Variants in DGLUCY observed in about 807,000 individuals in gnomAD.
DGLUCY encodes D-glutamate cyclase.
Under a neutral mutation model 58.5 loss-of-function variants are expected in DGLUCY, and 58 were observed. The ratio of observed to expected loss-of-function variants is 0.99; its 90% CI spans 0.80 to 1.23. DGLUCY has a LOEUF of 1.23. Among genes scored for constraint, DGLUCY ranks in the 50% most tolerant of loss-of-function variants. DGLUCY has a pLI of 0.00. For synonymous variants in DGLUCY, 325 were observed against 314.1 expected, an observed-to-expected ratio of 1.03 and a Z score of -0.37; for missense variants, 779 against 784.7, an observed-to-expected ratio of 0.99 and a Z score of 0.09.
chr14:91,174,129 C>T (rs1411553540), intron 6 of DGLUCY, among the ~76,000 whole-genome samples: 4 of 151,920 alleles, frequency 2.6e-5, no homozygotes, highest in Admixed American at 6.6e-5. Flanking sequence ...ATGAAGCCTC[C>T]GTAAAACCCC....
At chr14:91,138,770 C>G (rs759523319) in intron 1 of DGLUCY, among the ~76,000 whole-genome samples, 1 of 152,082 alleles carries the variant, frequency 6.6e-6, no homozygotes. Context: ...CACACATGGT[C>G]CCTTCCTCAT....
chr14:91,220,612 G>A (rs187857269), intron 13 of DGLUCY: 12 of 456,272 alleles, frequency 2.6e-5, no homozygotes, highest in African/African-American at 8.0e-5. Flanking sequence ...GTCTTTCCCC[G>A]TGTGGCTGGG....
At chr14:91,160,155 G>T in intron 2 of DGLUCY, 111 bp from the exon 3 acceptor site, 1 of 731,342 alleles carries the variant, frequency 1.4e-6, no homozygotes, top group Non-Finnish European at 2.4e-6. Flanking sequence ...CCCAGGAACA[G>T]GGCCAGGAAA....
intron 5 of DGLUCY, 87 bp from the exon 6 acceptor site, chr14:91,173,202 G>T (rs1383315885): frequency 4.8e-6 from 7 of 1,449,154 alleles, no homozygotes; most frequent in Non-Finnish European, 6.7e-6. Flanking sequence ...TCATTTAGCT[G>T]CCTTGAACTC....
In DGLUCY at chr14:91,168,684, C is replaced by T. The variant is rs76013489; in HGVS notation, c.257+1306C>T. Among the ~76,000 whole-genome samples the T allele has an allele frequency of 7.6e-3, 1,153 of 152,328 alleles. 7 individuals are homozygous for T. The highest frequency in any genetic ancestry group is 9.1e-3 in the Non-Finnish European group (619 of 68,026). ...CTCCTCTGTGGAAGAGAATTGATTT[C>T]TTCCTTCTCTGTGTCACTCTACCTA... On this transcript the variant is annotated intron_variant, in intron 4 of 13. Transcript: ENST00000256324.
At chr14:91,106,318 C>G (rs922681315), upstream of DGLUCY, among the ~76,000 whole-genome samples, 13 of 151,516 alleles carry the variant, frequency 8.6e-5, no homozygotes, top group East Asian at 7.9e-4. Flanking sequence ...CTACCCCCCC[C>G]CAAAAAACTT....
chr14:91,145,199 C>T (rs2046948063), intron 1 of DGLUCY: 1 of 152,186 alleles, frequency 6.6e-6, no homozygotes, highest in Admixed American at 6.6e-5. Context: ...CTCCCAACCT[C>T]CCTCTCTGCC....
At chr14:91,075,852 C>T (rs1241354679) in intron 1 of DGLUCY, among the ~76,000 whole-genome samples, 3 of 152,200 alleles carry the variant, frequency 2.0e-5, no homozygotes, top group African/African-American at 7.2e-5. Flanking sequence ...ATGGCTCATG[C>T]CTGTAATCCC....
chr14:91,105,814 A>C (rs995475292), upstream of DGLUCY, among the ~76,000 whole-genome samples: 1 of 152,222 alleles, frequency 6.6e-6, no homozygotes, highest in Non-Finnish European at 1.5e-5. Flanking sequence ...AACGTCATAG[A>C]CTGTGCTTAC....
At chr14:91,098,081 C>G (rs1264616931) in intron 1 of DGLUCY, among the ~76,000 whole-genome samples, 2 of 152,174 alleles carry the variant, frequency 1.3e-5, no homozygotes, top group East Asian at 3.8e-4. Flanking sequence ...CCCCACAGGC[C>G]ACCATTATGT....
At chr14:91,150,218 CAAAAAAAAAAA>C (rs71120121) in intron 1 of DGLUCY, among the ~76,000 whole-genome samples, 3 of 64,732 alleles carry the variant, frequency 4.6e-5, no homozygotes, top group African/African-American at 1.9e-4. Flanking sequence ...GACTCCATCT[CAAAAAAAAAAA>C]AAAAAAAAAA....
intron 1 of DGLUCY, among the ~76,000 whole-genome samples, chr14:91,149,864 A>G (rs773110820): frequency 2.0e-5 from 3 of 152,236 alleles, no homozygotes; most frequent in African/African-American, 4.8e-5. Context: ...AGAACTCTCT[A>G]AGAATGGACA....
intron 1 of DGLUCY, among the ~76,000 whole-genome samples, chr14:91,066,970 A>G (rs2043832782): frequency 6.6e-6 from 1 of 150,570 alleles, no homozygotes; most frequent in Non-Finnish European, 1.5e-5. Context: ...AGTCCCAGCT[A>G]CTTGGGAGGC....
At chr14:91,210,573 T>C (rs931651364) in intron 12 of DGLUCY, among the ~76,000 whole-genome samples, 2 of 152,024 alleles carry the variant, frequency 1.3e-5, no homozygotes, top group African/African-American at 4.8e-5. Flanking sequence ...AAAATAAAAA[T>C]CAAGTAATGT....
At chr14:91,188,202 G>C (rs2049641658) in intron 8 of DGLUCY, among the ~76,000 whole-genome samples, 1 of 152,176 alleles carries the variant, frequency 6.6e-6, no homozygotes, top group Admixed American at 6.5e-5. Context: ...TACATCCTGT[G>C]ACCCCCAGGA....
intron 1 of DGLUCY, among the ~76,000 whole-genome samples, chr14:91,123,008 C>G (rs2045475228): frequency 6.6e-6 from 1 of 152,176 alleles, no homozygotes; most frequent in South Asian, 2.1e-4. Context: ...AGATAAGACA[C>G]AGTCCCTGTC....
intron 1 of DGLUCY, among the ~76,000 whole-genome samples, chr14:91,108,774 G>A (rs1164371920): frequency 1.3e-5 from 2 of 152,046 alleles, no homozygotes; most frequent in African/African-American, 4.8e-5. Context: ...CTGACCTCAG[G>A]GGATCTACCA....
chr14:91,068,069 A>G (rs61989782), intron 1 of DGLUCY, among the ~76,000 whole-genome samples: 103 of 102,256 alleles, frequency 1.0e-3, no homozygotes, highest in African/African-American at 3.3e-3. Context: ...GCACACACAC[A>G]CACGCGCACG....
At chr14:91,106,925 C>A (rs958804850), upstream of DGLUCY, among the ~76,000 whole-genome samples, 2 of 152,060 alleles carry the variant, frequency 1.3e-5, no homozygotes, top group Admixed American at 1.3e-4. Flanking sequence ...AGATATAATC[C>A]ACATCCCATA....
Sources: gnomAD v4.1 joint callset for allele counts (sites outside exome capture counted in the v4.1 genomes callset) on GRCh38, gnomAD v4.1.1 for gene constraint, MANE v1.5 for transcripts, NCBI Gene and HGNC (gene_info 2026-07-23, HGNC 2026-07-21) for gene names.